Variants in NRXN3 observed in about 807,000 individuals in gnomAD.
The protein encoded by NRXN3 is neurexin 3.
A neutral mutation model predicts 137.6 loss-of-function variants in NRXN3; 32 were observed. The ratio of observed to expected loss-of-function variants is 0.23; its 90% CI spans 0.18 to 0.31. The LOEUF (loss-of-function observed/expected upper bound fraction) is 0.31, where lower values mean the gene tolerates loss of function less well. NRXN3 is among the 10% of genes least tolerant of loss of function. The pLI is 1.00. For missense variants in NRXN3, 1,574 were observed against 2,062.5 expected, an observed-to-expected ratio of 0.76 and a Z score of 4.59; for synonymous variants, 798 against 784.5, an observed-to-expected ratio of 1.02 and a Z score of -0.29.
At chr14:78,898,550 G>T (rs1370072960) in intron 10 of NRXN3, among the ~76,000 whole-genome samples, 2 of 136,442 alleles carry the variant, frequency 1.5e-5, no homozygotes, top group African/African-American at 5.8e-5. Context: ...GCACAGCTGG[G>T]TTTCGTGTGT....
chr14:78,320,367 G>A (rs912027852), intron 4 of NRXN3, among the ~76,000 whole-genome samples: 10 of 152,198 alleles, frequency 6.6e-5, no homozygotes, highest in Non-Finnish European at 1.3e-4. Context: ...CATCACTGGG[G>A]TCCTGGAAGC....
intron 19 of NRXN3, 134 bp downstream of exon 19, chr14:79,698,071 G>A (rs2098741670): frequency 1.3e-6 from 1 of 772,592 alleles, no homozygotes; most frequent in Non-Finnish European, 2.0e-6. Flanking sequence ...TCATAGTAAT[G>A]AGACCCAGGA....
chr14:78,266,947 T>C (rs1469920823), intron 2 of NRXN3, among the ~76,000 whole-genome samples: 1 of 152,162 alleles, frequency 6.6e-6, no homozygotes, highest in Non-Finnish European at 1.5e-5. Flanking sequence ...AGAAACTCAT[T>C]CTGTCAGGGC....
intron 15 of NRXN3, among the ~76,000 whole-genome samples, chr14:79,009,185 T>C (rs1406717319): frequency 1.3e-5 from 2 of 152,182 alleles, no homozygotes; most frequent in Admixed American, 1.3e-4. Flanking sequence ...CATAACTCTT[T>C]GTAAGAGTTA....
At chr14:79,831,141 G>A (rs1047217464) in intron 20 of NRXN3, among the ~76,000 whole-genome samples, 5 of 152,124 alleles carry the variant, frequency 3.3e-5, no homozygotes, top group Non-Finnish European at 7.4e-5. Flanking sequence ...GAAATTGGGG[G>A]TGATGAGAGA....
At chr14:79,282,384 T>C (rs74067967) in intron 15 of NRXN3, among the ~76,000 whole-genome samples, 9,151 of 152,108 alleles carry the variant, frequency 0.06, 742 homozygotes, top group African/African-American at 0.18. Flanking sequence ...AGGTTATGGG[T>C]GGCAGGGTCT....
chr14:79,633,965 C>G (rs973173378), intron 16 of NRXN3, among the ~76,000 whole-genome samples: 12 of 152,084 alleles, frequency 7.9e-5, no homozygotes, highest in Admixed American at 2.6e-4. Flanking sequence ...AGTCTCACTC[C>G]TGCTGTACTA....
chr14:78,855,580 T>C (rs1183711825), intron 10 of NRXN3, among the ~76,000 whole-genome samples: 1 of 152,200 alleles, frequency 6.6e-6, no homozygotes, highest in Non-Finnish European at 1.5e-5. Context: ...TTTGAGATCA[T>C]GAAAAGGAAT....
intron 15 of NRXN3, among the ~76,000 whole-genome samples, chr14:79,332,994 C>G (rs2091897147): frequency 6.6e-6 from 1 of 152,128 alleles, no homozygotes; most frequent in African/African-American, 2.4e-5. Context: ...CCATCTTTCT[C>G]TCATCTCCAT....
intron 15 of NRXN3, among the ~76,000 whole-genome samples, chr14:78,990,324 G>T (rs2099515984): frequency 1.3e-5 from 2 of 148,304 alleles, no homozygotes; most frequent in African/African-American, 5.0e-5. Context: ...TGATTGGATA[G>T]ATACATAGAT....
intron 4 of NRXN3, among the ~76,000 whole-genome samples, chr14:78,378,880 A>G (rs1045628763): frequency 3.9e-5 from 6 of 152,184 alleles, no homozygotes; most frequent in African/African-American, 1.4e-4. Flanking sequence ...ACACAACTTT[A>G]GCTAGACTAA....
chr14:78,903,624 C>G (rs1189618283), intron 10 of NRXN3, among the ~76,000 whole-genome samples: 2 of 152,002 alleles, frequency 1.3e-5, no homozygotes, highest in African/African-American at 2.4e-5. Context: ...TTTATTAGGA[C>G]TTTGCCTTTT....
chr14:79,819,677 G>C (rs565780048), intron 20 of NRXN3, among the ~76,000 whole-genome samples: 1 of 151,628 alleles, frequency 6.6e-6, no homozygotes, highest in Non-Finnish European at 1.5e-5. Flanking sequence ...TAGAGACGGG[G>C]TTTCACCATG....
intron 4 of NRXN3, among the ~76,000 whole-genome samples, chr14:78,625,329 A>G (rs1258189944): frequency 6.6e-6 from 1 of 152,200 alleles, no homozygotes; most frequent in Non-Finnish European, 1.5e-5. Flanking sequence ...TTCTCTCCCA[A>G]CTCACCATAC....
intron 10 of NRXN3, among the ~76,000 whole-genome samples, chr14:78,920,258 A>G (rs2099267446): frequency 6.6e-6 from 1 of 152,168 alleles, no homozygotes; most frequent in Admixed American, 6.5e-5. Flanking sequence ...CTGTGCAGTG[A>G]TCCCTAACAC....
At chr14:79,167,959 A>G (rs1281297239) in intron 15 of NRXN3, among the ~76,000 whole-genome samples, 5 of 126,846 alleles carry the variant, frequency 3.9e-5, no homozygotes, top group African/African-American at 1.2e-4. Flanking sequence ...TTTTACCTTC[A>G]GGACTTATGA....
chr14:79,499,258 T>C (rs1024994098), intron 16 of NRXN3, among the ~76,000 whole-genome samples: 7 of 152,184 alleles, frequency 4.6e-5, no homozygotes, highest in Non-Finnish European at 8.8e-5. Context: ...TTCCTCCACA[T>C]CTACCACACC....
intron 15 of NRXN3, among the ~76,000 whole-genome samples, chr14:79,027,526 A>G (rs2099600596): frequency 1.3e-5 from 2 of 152,162 alleles, no homozygotes; most frequent in Non-Finnish European, 2.9e-5. Flanking sequence ...GCAGGTTAAT[A>G]CAAATTGAAG....
At chr14:78,801,137 C>G (rs1321044436) in intron 8 of NRXN3, among the ~76,000 whole-genome samples, 1 of 152,046 alleles carries the variant, frequency 6.6e-6, no homozygotes, top group African/African-American at 2.4e-5. Context: ...CTGGCTAACA[C>G]GATGAAACCC....
Sources: gnomAD v4.1 joint callset for allele counts (sites outside exome capture counted in the v4.1 genomes callset) on GRCh38, gnomAD v4.1.1 for gene constraint, MANE v1.5 for transcripts, NCBI Gene and HGNC (gene_info 2026-07-23, HGNC 2026-07-21) for gene names.